ZBTB7C: variants seen among roughly 807,000 people sequenced by gnomAD.
ZBTB7C encodes zinc finger and BTB domain containing 7C, also known as zinc finger and BTB domain-containing protein 7C.
In ZBTB7C, 8 loss-of-function variants were observed where a neutral mutation model predicts 25.7. The observed-to-expected ratio is 0.31, with a 90% CI of 0.18 to 0.56. ZBTB7C has a LOEUF of 0.56. ZBTB7C is among the 20% of genes least tolerant of loss of function. ZBTB7C has a pLI of 0.91. For missense variants in ZBTB7C, 824 were observed against 855.2 expected, an observed-to-expected ratio of 0.96 and a Z score of 0.46; for synonymous variants, 394 against 369.0, an observed-to-expected ratio of 1.07 and a Z score of -0.78.
At position 48,269,093 on chromosome 18, in the gene ZBTB7C, T is replaced by C. The variant is rs145821096; in HGVS notation, c.-79+69081A>G. ...CTCATGCCTCAGCCTCCTGAGTAGC[T>C]GGGACCACAGGCACATGCCACCACA... On this transcript the variant is annotated intron_variant, in intron 2 of 4. Coordinates refer to ENST00000590800, the MANE Select transcript of ZBTB7C (RefSeq NM_001318841.2). Among the ~76,000 whole-genome samples, 124 of 152,072 alleles carry C rather than the reference T, an allele frequency of 8.2e-4. 1 individual carries two copies. Among genetic ancestry groups the C allele is most frequent in the African/African-American group, 2.8e-3 (116 of 41,464 alleles).
In ZBTB7C at chr18:48,027,581, G is replaced by C. The variant is rs2035567227; in HGVS notation, c.*1679C>G. The C allele has an allele frequency of 6.6e-6, 1 of 152,282 alleles. No homozygotes were observed. Among genetic ancestry groups the C allele is most frequent in the African/African-American group, 2.4e-5 (1 of 41,458 alleles). 9.4% of individuals were successfully genotyped at this position (152,282 alleles called of 1,614,324 possible). ...CTGCTGGCTGGAGTGGCATCCGGTGGTGTGAAGAATCAGGGGGTCTCTTCT... is the reference window on the plus strand; with the variant it reads ...CTGCTGGCTGGAGTGGCATCCGGTGCTGTGAAGAATCAGGGGGTCTCTTCT... On this transcript the variant is annotated 3_prime_UTR_variant, in exon 5 of 5. Coordinates refer to ENST00000590800, the MANE Select transcript of ZBTB7C (RefSeq NM_001318841.2).
rs1163634161 is a variant in ZBTB7C at position 48,028,431 on chromosome 18, C to A, written c.*829G>T. 6.6e-6 allele frequency: 1 copy of A among 152,166 alleles called. No individual in the cohort carries two copies. Among genetic ancestry groups the A allele is most frequent in the Admixed American group, 6.5e-5 (1 of 15,280 alleles). 9.4% of individuals were successfully genotyped at this position (152,166 alleles called of 1,614,324 possible). On this transcript the variant is annotated 3_prime_UTR_variant, in exon 5 of 5. Coordinates refer to ENST00000590800, the MANE Select transcript of ZBTB7C (RefSeq NM_001318841.2). ...ATCTCTGTCTAGTCTGGCCATATTTCTCACCTATGCTAATATGCTAATATA... is the reference window on the plus strand; with the variant it reads ...ATCTCTGTCTAGTCTGGCCATATTTATCACCTATGCTAATATGCTAATATA...
intron 2 of ZBTB7C, among the ~76,000 whole-genome samples, chr18:48,255,868 A>T (rs1050477395): frequency 2.0e-5 from 3 of 152,206 alleles, no homozygotes; most frequent in African/African-American, 7.2e-5. Context: ...ATAACAGCAG[A>T]TAAGATTTTG....
chr18:48,086,535 T>A (rs1046179663), intron 3 of ZBTB7C, among the ~76,000 whole-genome samples: 2 of 152,220 alleles, frequency 1.3e-5, no homozygotes, highest in Non-Finnish European at 2.9e-5. Flanking sequence ...TTGCCTGGAA[T>A]GCCTTCCTAC....
At chr18:48,295,327 C>T (rs1028025829) in intron 2 of ZBTB7C, among the ~76,000 whole-genome samples, 3 of 152,126 alleles carry the variant, frequency 2.0e-5, no homozygotes, top group Non-Finnish European at 4.4e-5. Flanking sequence ...AACACCATTC[C>T]GTGGGGCTTG....
At chr18:48,240,311 C>T (rs1023196575) in intron 2 of ZBTB7C, among the ~76,000 whole-genome samples, 1 of 152,080 alleles carries the variant, frequency 6.6e-6, no homozygotes, top group African/African-American at 2.4e-5. Context: ...TAAAACATTC[C>T]TGGCCTTGCA....
At chr18:48,244,010 G>A (rs1200340972) in intron 2 of ZBTB7C, among the ~76,000 whole-genome samples, 1 of 152,146 alleles carries the variant, frequency 6.6e-6, no homozygotes, top group Non-Finnish European at 1.5e-5. Flanking sequence ...CTCTCAGCTT[G>A]TACAAAAATC....
chr18:48,042,624 G>A (rs1285715025), intron 3 of ZBTB7C, among the ~76,000 whole-genome samples: 2 of 152,162 alleles, frequency 1.3e-5, no homozygotes, highest in Non-Finnish European at 2.9e-5. Flanking sequence ...AGGATGCTGG[G>A]TGCCCCTCCG....
chr18:48,365,103 C>G (rs953133757), intron 1 of ZBTB7C, among the ~76,000 whole-genome samples: 2 of 152,236 alleles, frequency 1.3e-5, no homozygotes, highest in Non-Finnish European at 2.9e-5. Context: ...AGTTATTCAT[C>G]TTCATGGCTG....
chr18:48,161,366 G>C (rs2041020222), intron 3 of ZBTB7C, among the ~76,000 whole-genome samples: 1 of 152,080 alleles, frequency 6.6e-6, no homozygotes, highest in South Asian at 2.1e-4. Context: ...AGAGAGGGGA[G>C]GAAGGGAGGG....
chr18:48,367,202 T>TATATACACACACAC (rs1302394192), intron 1 of ZBTB7C, among the ~76,000 whole-genome samples: 3 of 63,398 alleles, frequency 4.7e-5, no homozygotes, highest in African/African-American at 1.8e-4. Flanking sequence ...TATATATATA[T>TATATACACACACAC]ACACACACAC....
At chr18:48,191,583 T>C (rs760355019) in intron 2 of ZBTB7C, among the ~76,000 whole-genome samples, 37 of 152,322 alleles carry the variant, frequency 2.4e-4, no homozygotes, top group East Asian at 5.8e-4. Context: ...CAGTCCTCAG[T>C]GCCTCACATG....
chr18:48,068,287 C>T (rs375838490), intron 3 of ZBTB7C, among the ~76,000 whole-genome samples: 1 of 151,862 alleles, frequency 6.6e-6, no homozygotes, highest in Non-Finnish European at 1.5e-5. Context: ...TACTCGGTGC[C>T]TGCCACCACG....
chr18:48,154,333 G>C (rs183846905), intron 3 of ZBTB7C, among the ~76,000 whole-genome samples: 2 of 152,212 alleles, frequency 1.3e-5, no homozygotes, highest in Non-Finnish European at 2.9e-5. Context: ...ATACCTGAGC[G>C]GGGGAGGAGT....
chr18:48,340,864 AG>A (rs559262586), intron 1 of ZBTB7C, among the ~76,000 whole-genome samples: 132 of 152,350 alleles, frequency 8.7e-4, no homozygotes, highest in African/African-American at 3.1e-3. Context: ...AGGGACACTT[AG>A]GGCAGCCTTG....
At chr18:48,327,597 G>A (rs1400137292) in intron 2 of ZBTB7C, among the ~76,000 whole-genome samples, 2 of 152,082 alleles carry the variant, frequency 1.3e-5, no homozygotes, top group East Asian at 3.9e-4. Flanking sequence ...CAAAGCTCTG[G>A]GGGTACAATG....
chr18:48,249,882 A>G (rs1321367046), intron 2 of ZBTB7C, among the ~76,000 whole-genome samples: 1 of 152,248 alleles, frequency 6.6e-6, no homozygotes, highest in Non-Finnish European at 1.5e-5. Flanking sequence ...GAGGAGGCAA[A>G]CAAAATAAGA....
chr18:48,041,900 C>G (rs566670535), intron 3 of ZBTB7C, among the ~76,000 whole-genome samples: 5 of 152,068 alleles, frequency 3.3e-5, no homozygotes, highest in Non-Finnish European at 4.4e-5. Flanking sequence ...TTTTTCATGT[C>G]TAAATTCTGT....
At chr18:48,206,817 A>G (rs930698693) in intron 2 of ZBTB7C, among the ~76,000 whole-genome samples, 6 of 152,222 alleles carry the variant, frequency 3.9e-5, no homozygotes, top group African/African-American at 1.4e-4. Flanking sequence ...GAAGTTCGTT[A>G]AACAGGACAG....
Sources: allele counts gnomAD v4.1 joint callset (sites outside exome capture counted in the v4.1 genomes callset), GRCh38; gene constraint gnomAD v4.1.1; transcripts MANE v1.5; gene names NCBI Gene and HGNC (gene_info 2026-07-23, HGNC 2026-07-21).